Variants in SLC35F4 observed in about 807,000 individuals in gnomAD.
The protein encoded by SLC35F4 is chromosome 14 open reading frame 36.
In SLC35F4, 24 loss-of-function variants were observed where a neutral mutation model predicts 44.2. That is an observed-to-expected ratio of 0.54 (90% CI 0.39 to 0.76). SLC35F4 has a LOEUF of 0.76. Among genes scored for constraint, SLC35F4 ranks in the 30% least tolerant of loss-of-function variants. SLC35F4 has a pLI of 0.00. For synonymous variants in SLC35F4, 238 were observed against 223.6 expected (o/e 1.06, Z -0.57); for missense variants, 562 against 586.1 (o/e 0.96, Z 0.42).
At chr14:57,644,219 T>A (rs534542105) in intron 1 of SLC35F4, among the ~76,000 whole-genome samples, 99 of 152,274 alleles carry the variant, frequency 6.5e-4, no homozygotes, top group South Asian at 4.8e-3. Flanking sequence ...GTTGAACTAG[T>A]TTACAGTCCC....
downstream of SLC35F4, among the ~76,000 whole-genome samples, chr14:57,974,151 G>C (rs1286006313): frequency 6.6e-6 from 1 of 152,138 alleles, no homozygotes; most frequent in Non-Finnish European, 1.5e-5. Flanking sequence ...GGCTCATTTA[G>C]GGACCCAAAC....
intron 1 of SLC35F4, among the ~76,000 whole-genome samples, chr14:57,601,222 T>C (rs1391200895): frequency 6.6e-6 from 1 of 151,942 alleles, no homozygotes; most frequent in South Asian, 2.1e-4. Context: ...ATAATAATTA[T>C]ATGTATATTA....
At chr14:57,831,742 G>A (rs1016471228) in intron 1 of SLC35F4, among the ~76,000 whole-genome samples, 11 of 152,112 alleles carry the variant, frequency 7.2e-5, no homozygotes, top group African/African-American at 2.4e-4. Context: ...ATATTTGTGG[G>A]TCCAATAACA....
At chr14:57,937,818 A>G (rs959090747) in intron 1 of SLC35F4, among the ~76,000 whole-genome samples, 39 of 152,182 alleles carry the variant, frequency 2.6e-4, no homozygotes, top group African/African-American at 8.7e-4. Flanking sequence ...GACCAGATTG[A>G]TGATAAAGGC....
intron 1 of SLC35F4, among the ~76,000 whole-genome samples, chr14:57,742,448 A>T (rs148812109): frequency 6.6e-6 from 1 of 152,234 alleles, no homozygotes; most frequent in Non-Finnish European, 1.5e-5. Flanking sequence ...AACAGACTTT[A>T]AACCAACAAA....
intron 1 of SLC35F4, among the ~76,000 whole-genome samples, chr14:57,752,546 C>A (rs1030103464): frequency 6.0e-5 from 9 of 150,404 alleles, no homozygotes; most frequent in Admixed American, 5.3e-4. Context: ...CTGCAACGTC[C>A]GCCTCCTGGG....
rs77655712 is a variant in SLC35F4 at position 57,854,349 on chromosome 14, T to C, written c.103+11374A>G. 4.9e-3 allele frequency among the ~76,000 whole-genome samples: 746 copies of C among 152,266 alleles called. 8 individuals are homozygous for C. The highest frequency in any genetic ancestry group is 0.017 in the African/African-American group (715 of 41,528). On this transcript the variant is annotated intron_variant, in intron 1 of 7. Transcript: ENST00000556826. ...AAAAAAATTATAACTCCAAAGACTA[T>C]GTAGAAACATGTAAATACGTTTGTA...
At chr14:57,915,107 T>C (rs547075156) in intron 1 of SLC35F4, among the ~76,000 whole-genome samples, 78 of 140,556 alleles carry the variant, frequency 5.5e-4, no homozygotes, top group Middle Eastern at 3.9e-3. Context: ...GAGCACTGGA[T>C]TGAGTTAACA....
At chr14:57,684,485 C>T (rs561157514) in intron 1 of SLC35F4, among the ~76,000 whole-genome samples, 1 of 152,270 alleles carries the variant, frequency 6.6e-6, no homozygotes, top group Admixed American at 6.5e-5. Flanking sequence ...GGTTCGAGCT[C>T]CTATGAGAAT....
intron 1 of SLC35F4, among the ~76,000 whole-genome samples, chr14:57,889,130 T>C (rs1888708371): frequency 6.6e-6 from 1 of 152,232 alleles, no homozygotes. Context: ...ACCATGTATT[T>C]AGCAACCAGT....
At chr14:57,702,331 T>TAA (rs5808935) in intron 1 of SLC35F4, among the ~76,000 whole-genome samples, 26,367 of 135,728 alleles carry the variant, frequency 0.19, 2,773 homozygotes, top group South Asian at 0.28. Flanking sequence ...TCATTTTCTT[T>TAA]AAAAAAAAAA....
At chr14:57,696,559 T>C (rs941269500) in intron 1 of SLC35F4, among the ~76,000 whole-genome samples, 2 of 152,228 alleles carry the variant, frequency 1.3e-5, no homozygotes, top group African/African-American at 2.4e-5. Context: ...AGCAAGCCCA[T>C]TACTGGGCAT....
chr14:57,690,371 A>G (rs2075195736), intron 1 of SLC35F4, among the ~76,000 whole-genome samples: 1 of 152,194 alleles, frequency 6.6e-6, no homozygotes, highest in Admixed American at 6.5e-5. Context: ...GAAGTAGGAC[A>G]AAAATTCAAC....
At chr14:57,807,286 C>G (rs548939450) in intron 1 of SLC35F4, among the ~76,000 whole-genome samples, 46 of 149,530 alleles carry the variant, frequency 3.1e-4, no homozygotes, top group African/African-American at 1.2e-3. Context: ...CTTCACCCTC[C>G]TCCTGGAGGG....
intron 1 of SLC35F4, among the ~76,000 whole-genome samples, chr14:57,663,146 G>T (rs2074192487): frequency 6.6e-6 from 1 of 152,022 alleles, no homozygotes; most frequent in African/African-American, 2.4e-5. Flanking sequence ...CCATTCAATT[G>T]CCCCTTTGAG....
At chr14:57,729,531 C>T (rs999540282) in intron 1 of SLC35F4, among the ~76,000 whole-genome samples, 2 of 152,204 alleles carry the variant, frequency 1.3e-5, no homozygotes, top group East Asian at 3.9e-4. Flanking sequence ...TAGAAATGTC[C>T]AGGAGCTAGG....
chr14:57,706,874 A>G lies in SLC35F4; in HGVS notation c.104-112750T>C, dbSNP rs78158348. On this transcript the variant is annotated intron_variant, in intron 1 of 7. Coordinates refer to ENST00000556826, the MANE Select transcript of SLC35F4 (RefSeq NM_001306087.2). The stretch of plus-strand genomic sequence containing the variant: ...ATGTGAATTTTCTCTTAAGGCCAAT[A>G]GGAAGCTATTGAAGGGCTTTGAGAA... Among the ~76,000 whole-genome samples, 1,240 of 152,342 alleles carry G rather than the reference A, an allele frequency of 8.1e-3. 8 individuals carry two copies. Among genetic ancestry groups the G allele is most frequent in the Non-Finnish European group, 0.012 (848 of 68,026 alleles).
chr14:57,585,131 TATAGAA>T (rs2069604619), intron 3 of SLC35F4, among the ~76,000 whole-genome samples: 3 of 152,178 alleles, frequency 2.0e-5, no homozygotes, highest in South Asian at 4.1e-4. Context: ...CATAGACACA[TATAGAA>T]AATCAACTCA....
chr14:57,943,206 C>T (rs1889946792), intron 1 of SLC35F4, among the ~76,000 whole-genome samples: 1 of 152,130 alleles, frequency 6.6e-6, no homozygotes, highest in Non-Finnish European at 1.5e-5. Context: ...GGTGCAGCCC[C>T]CAGTGGTTTT....
Sources: gnomAD v4.1 joint callset for allele counts (sites outside exome capture counted in the v4.1 genomes callset) on GRCh38, gnomAD v4.1.1 for gene constraint, MANE v1.5 for transcripts, NCBI Gene and HGNC (gene_info 2026-07-23, HGNC 2026-07-21) for gene names.